The following RPS12 variants were observed in gnomAD, a reference collection of about 807,000 sequenced individuals.
RPS12 encodes small ribosomal subunit protein eS12.
In RPS12, 1 loss-of-function variant was observed where a neutral mutation model predicts 17.2. The observed-to-expected ratio is 0.06, with a 90% confidence interval of 0.02 to 0.28. The LOEUF is 0.28. RPS12 is among the 10% of genes least tolerant of loss of function. The pLI, the probability that RPS12 is intolerant of heterozygous loss-of-function variation, is 1.00. For missense variants in RPS12, 146 were observed against 162.1 expected (o/e 0.90, Z 0.54); for synonymous variants, 67 against 54.0 (o/e 1.24, Z -1.06).
At chr6:132,817,415 C>T (rs1041180958) in intron 5 of RPS12, 65 bp from the exon 6 acceptor site, 4 of 1,039,208 alleles carry the variant, frequency 3.8e-6, no homozygotes, top group Admixed American at 3.4e-5. Context: ...ATAATTGATA[C>T]TAATAGCTTG....
chr6:132,816,663 A>G (rs1276047122), intron 4 of RPS12, 100 bp downstream of exon 4: 4 of 857,786 alleles, frequency 4.7e-6, no homozygotes, highest in Non-Finnish European at 7.9e-6. Context: ...GTGCAGGTGT[A>G]AACATTACGT....
In RPS12 at chr6:132,816,402, A is replaced by C. The variant is rs988973590; in HGVS notation, c.132-59A>C. ...TGCAAAGATAACCCTCCTAAAATGC[A>C]AGAATGATGGATTTGGATCTGAGTT... On this transcript the variant is annotated intron_variant, in intron 3 of 5. Transcript: ENST00000230050. 4.1e-5 allele frequency: 54 copies of C among 1,328,154 alleles called. No homozygotes were observed. In the African/African-American group the frequency reaches 7.0e-4, roughly 17 times the overall value. 82.3% of individuals were successfully genotyped at this position (1,328,154 alleles called of 1,614,324 possible). A position where few individuals can be genotyped will look rare whatever the true frequency, so the allele number is the denominator to read the frequency against.
Position 132,816,946 on chromosome 6 carries a change from C to G in RPS12, c.235-14C>G. 6.8e-7 allele frequency: 1 copy of G among 1,473,066 alleles called. No homozygotes were observed. Among genetic ancestry groups the G allele is most frequent in the Non-Finnish European group, 9.5e-7 (1 of 1,057,308 alleles). The allele number at this position is 1,473,066 out of a possible 1,614,324, so 91.2% of individuals were successfully genotyped here. A position where few individuals can be genotyped will look rare whatever the true frequency, so the allele number is the denominator to read the frequency against. On this transcript the variant is annotated splice_polypyrimidine_tract_variant and intron_variant, in intron 4 of 5. Coordinates refer to ENST00000230050, the MANE Select transcript of RPS12 (RefSeq NM_001016.4). ...TAATGTGATTTTTTTTTTTTTTAAC[C>G]TTTCTCCCAATAGGTTGATGACAAC...
At chr6:132,815,580 T>G in intron 3 of RPS12, 2 of 452,938 alleles carry the variant, frequency 4.4e-6, no homozygotes, top group Non-Finnish European at 8.9e-6. Flanking sequence ...GTTAATGTAT[T>G]TGAATGGATC....
At chr6:132,817,088 A>C (rs776417872) in intron 5 of RPS12, 27 bp downstream of exon 5, 35 of 1,334,006 alleles carry the variant, frequency 2.6e-5, no homozygotes, top group Non-Finnish European at 3.6e-5. Flanking sequence ...TCTAGGGATG[A>C]AGGTTATGCT....
chr6:132,817,293 T>C, intron 5 of RPS12, 187 bp from the exon 6 acceptor site: 2 of 773,840 alleles, frequency 2.6e-6, no homozygotes, highest in East Asian at 2.4e-5. Context: ...AGTAAAGCCA[T>C]GTTACGAGCC....
rs764747343 is a variant in RPS12 at position 132,815,781 on chromosome 6, C to T, written c.132-680C>T. 2.7e-4 allele frequency: 121 copies of T among 455,564 alleles called. 2 individuals are homozygous for T. The highest frequency in any genetic ancestry group is 2.6e-3 in the Middle Eastern group (8 of 3,086). 28.2% of individuals were successfully genotyped at this position (455,564 alleles called of 1,614,324 possible). On this transcript the variant is annotated intron_variant, in intron 3 of 5. Transcript: ENST00000230050. ...GTATGAGTCTTCTGTATTTCTATTTCGGCATTATTGCATGGCATTTCATAA... is the reference window on the plus strand; with the variant it reads ...GTATGAGTCTTCTGTATTTCTATTTTGGCATTATTGCATGGCATTTCATAA...
At position 132,814,596 on chromosome 6, in the gene RPS12, C is replaced by G. The variant is rs925443519; in HGVS notation, c.-55C>G. On this transcript the variant is annotated 5_prime_UTR_variant, in exon 1 of 6. Transcript: ENST00000230050. ...CTTTCCCTGCCGCCGCCGAGTCGCG[C>G]GGAGGCGGAGGCTTGGGGTAAGTTG... is the stretch of plus-strand genomic sequence containing the variant. The G allele has an allele frequency of 9.8e-6, 8 of 816,432 alleles. No individual in the cohort carries two copies. The highest frequency in any genetic ancestry group is 5.1e-5 in the African/African-American group (3 of 58,990). The allele number at this position is 816,432 out of a possible 1,614,324, so 50.6% of individuals were successfully genotyped here.
At chr6:132,814,883 G>A (rs1731949054) in intron 2 of RPS12, 89 bp from the exon 3 acceptor site, 1 of 1,420,216 alleles carries the variant, frequency 7.0e-7, no homozygotes, top group Non-Finnish European at 1.0e-6. Context: ...CGCCGTAAGC[G>A]CGTCTGTTGT....
chr6:132,814,818 G>A (rs1782005761), intron 2 of RPS12, 36 bp downstream of exon 2: 1 of 1,595,028 alleles, frequency 6.3e-7, no homozygotes, highest in Non-Finnish European at 8.6e-7. Context: ...TTGGGGTCGG[G>A]GTGCGGCTGA....
At position 132,817,100 on chromosome 6, in the gene RPS12, G is replaced by A. The variant is rs146227780; in HGVS notation, c.336+39G>A. On this transcript the variant is annotated intron_variant, in intron 5 of 5. Transcript: ENST00000230050. The stretch of plus-strand genomic sequence containing the variant: ...TATTCTAGGGATGAAGGTTATGCTG[G>A]GTAATCATATAAAACCTTGTATTGA... 163 of 1,231,398 alleles carry A rather than the reference G, an allele frequency of 1.3e-4. 1 individual carries two copies. The highest frequency in any genetic ancestry group is 2.6e-4 in the Middle Eastern group (1 of 3,920). 76.3% of individuals were successfully genotyped at this position (1,231,398 alleles called of 1,614,324 possible).
intron 3 of RPS12, 115 bp downstream of exon 3, chr6:132,815,203 C>A: frequency 1.3e-6 from 1 of 765,908 alleles, no homozygotes; most frequent in South Asian, 1.4e-5. Flanking sequence ...TGGCATCCGT[C>A]CTACCGGAAA....
intron 5 of RPS12, 26 bp downstream of exon 5, chr6:132,817,087 G>A (rs764367573): frequency 7.4e-7 from 1 of 1,350,202 alleles, no homozygotes; most frequent in Non-Finnish European, 1.1e-6. Flanking sequence ...TTCTAGGGAT[G>A]AAGGTTATGC....
rs144823017 is a variant in RPS12, at chr6:132,816,863, C to T, written c.235-97C>T. The T allele has an allele frequency of 2.3e-4, 202 of 860,754 alleles. 1 individual carries two copies. In the East Asian group the frequency reaches 3.8e-3, roughly 16 times the overall value. 53.3% of individuals were successfully genotyped at this position (860,754 alleles called of 1,614,324 possible). A position where few individuals can be genotyped will look rare whatever the true frequency, so the allele number is the denominator to read the frequency against. The stretch of plus-strand genomic sequence containing the variant: ...TGCCATGAGGAAACTGCCATGTCAC[C>T]CTTCTGATTACAGCCACCTTTTGGG... On this transcript the variant is annotated intron_variant, in intron 4 of 5. Transcript: ENST00000230050.
intron 4 of RPS12, 160 bp from the exon 5 acceptor site, chr6:132,816,800 G>A (rs373413047): frequency 6.5e-6 from 5 of 771,258 alleles, no homozygotes; most frequent in Non-Finnish European, 1.2e-5. Flanking sequence ...GGTGATCTTA[G>A]TGCTGTACAT....
At position 132,815,772 on chromosome 6, in the gene RPS12, T is replaced by C. The variant is rs1455176071; in HGVS notation, c.131+684T>C. 8.8e-6 allele frequency: 4 copies of C among 456,606 alleles called. No individual in the cohort carries two copies. The Admixed American group carries it at 9.4e-5, about 11-fold the overall frequency. The allele number at this position is 456,606 out of a possible 1,614,324, so 28.3% of individuals were successfully genotyped here. A position where few individuals can be genotyped will look rare whatever the true frequency, so the allele number is the denominator to read the frequency against. On this transcript the variant is annotated intron_variant, in intron 3 of 5. Transcript: ENST00000230050. Reference sequence around the variant, plus strand: ...TAGGTCCTAGTATGAGTCTTCTGTATTTCTATTTCGGCATTATTGCATGGC... The same window carrying C: ...TAGGTCCTAGTATGAGTCTTCTGTACTTCTATTTCGGCATTATTGCATGGC...
chr6:132,816,826 C>T (rs1008676387), intron 4 of RPS12, 134 bp from the exon 5 acceptor site: 1 of 779,486 alleles, frequency 1.3e-6, no homozygotes. Flanking sequence ...CAACTGGCTC[C>T]CTCTACTGAA....
intron 3 of RPS12, 38 bp from the exon 4 acceptor site, chr6:132,816,423 G>C (rs1782063534): frequency 6.8e-7 from 1 of 1,467,556 alleles, no homozygotes; most frequent in South Asian, 1.1e-5. Flanking sequence ...ATTTGGATCT[G>C]AGTTTTAGCT....
In RPS12 at chr6:132,814,698, G is replaced by A; in HGVS notation, c.-37-34G>A. The A allele has an allele frequency of 3.9e-6, 6 of 1,558,126 alleles. No homozygotes were observed. In the South Asian group the frequency reaches 4.5e-5, roughly 12 times the overall value. On this transcript the variant is annotated intron_variant, in intron 1 of 5. Transcript: ENST00000230050. The stretch of plus-strand genomic sequence containing the variant: ...TTGCTGGGATTCGTGACGAGTATCT[G>A]GTTCTTTAACAAGTCAATGCTTTTG...
Sources: gnomAD v4.1 joint callset for allele counts on GRCh38, gnomAD v4.1.1 for gene constraint, MANE v1.5 for transcripts, NCBI Gene and HGNC (gene_info 2026-07-23, HGNC 2026-07-21) for gene names.